The following RGS3 variants were observed in gnomAD, a reference collection of about 807,000 sequenced individuals.
The protein encoded by RGS3 is regulator of G protein signaling 3.
RGS3 carries 80 observed loss-of-function variants against 132.6 expected under a neutral mutation model. That is an observed-to-expected ratio of 0.60 (90% confidence interval 0.50 to 0.73). The LOEUF (loss-of-function observed/expected upper bound fraction) is 0.73, where lower values mean the gene tolerates loss of function less well. RGS3 is among the 30% of genes least tolerant of loss of function. RGS3 has a pLI of 0.00. For synonymous variants in RGS3, 598 were observed against 620.6 expected (o/e 0.96, Z 0.54); for missense variants, 1,382 against 1,530.8 (o/e 0.90, Z 1.62).
chr9:113,495,652 A>G (rs1328353683), intron 7 of RGS3, 134 bp from the exon 6 acceptor site: 1 of 744,968 alleles, frequency 1.3e-6, no homozygotes, highest in African/African-American at 1.7e-5. Flanking sequence ...AGTCAGAAGG[A>G]TCAAACGAGA....
chr9:113,492,674 G>A (rs1830557498), intron 7 of RGS3, among the ~76,000 whole-genome samples: 2 of 152,124 alleles, frequency 1.3e-5, no homozygotes, highest in African/African-American at 4.8e-5. Flanking sequence ...GAGGGTGAGC[G>A]CTAGTTCCCA....
At chr9:113,558,540 G>A (rs1731315359) in intron 19 of RGS3, among the ~76,000 whole-genome samples, 1 of 152,092 alleles carries the variant, frequency 6.6e-6, no homozygotes, top group South Asian at 2.1e-4. Context: ...GAAACAGATG[G>A]TGCCATTCTC....
At chr9:113,482,896 A>G (rs1384903067) in intron 4 of RGS3, 163 bp from the exon 3 acceptor site, 4 of 1,477,722 alleles carry the variant, frequency 2.7e-6, no homozygotes, top group Non-Finnish European at 3.6e-6. Flanking sequence ...ATGCAGATTA[A>G]GGGCCTAGTA....
chr9:113,596,461 A>T (rs1477651302), intron 24 of RGS3, among the ~76,000 whole-genome samples: 1 of 152,222 alleles, frequency 6.6e-6, no homozygotes, highest in South Asian at 2.1e-4. Flanking sequence ...AAGACAACTG[A>T]AGCTCACCGC....
chr9:113,560,578 A>G (rs757491682), intron 19 of RGS3, among the ~76,000 whole-genome samples: 4 of 152,196 alleles, frequency 2.6e-5, no homozygotes, highest in Non-Finnish European at 4.4e-5. Flanking sequence ...CTGTATCCTT[A>G]GTTCCTAGTA....
upstream of RGS3, among the ~76,000 whole-genome samples, chr9:113,457,827 T>C (rs141229004): frequency 6.6e-6 from 1 of 152,290 alleles, no homozygotes; most frequent in Admixed American, 6.5e-5. Flanking sequence ...CAGGTAGCTT[T>C]TGAGGCAATT....
At position 113,507,880 on chromosome 9, in the gene RGS3, A is replaced by G. The variant is rs1343959719; in HGVS notation, c.1437+242A>G. Among the ~76,000 whole-genome samples, 2 of 152,172 alleles carry G rather than the reference A, an allele frequency of 1.3e-5. No individual in the cohort carries two copies. The highest frequency in any genetic ancestry group is 2.9e-5 in the Non-Finnish European group (2 of 68,036). Reference sequence around the variant, plus strand: ...GGCATGCACAGGCTGGAAGATTTCAACTCACAGAAGGAAGAGCTTTCTACT... The same window carrying G: ...GGCATGCACAGGCTGGAAGATTTCAGCTCACAGAAGGAAGAGCTTTCTACT... On this transcript the variant is annotated intron_variant, in intron 13 of 24. Transcript: ENST00000350696. The surrounding 1 kb of genome is among the most constrained non-coding windows in gnomAD (Gnocchi z 5.0).
intron 3 of RGS3, among the ~76,000 whole-genome samples, chr9:113,470,080 T>G (rs1829782844): frequency 1.3e-5 from 2 of 152,130 alleles, no homozygotes; most frequent in South Asian, 4.1e-4. Flanking sequence ...CTGGCTAATT[T>G]TTGTATTTTT....
chr9:113,520,609 C>T (rs1831903585), intron 16 of RGS3, among the ~76,000 whole-genome samples: 1 of 151,166 alleles, frequency 6.6e-6, no homozygotes, highest in African/African-American at 2.4e-5. Flanking sequence ...AGCCCTTCCC[C>T]TGCCAGCCTC....
In RGS3 at chr9:113,591,409, A is replaced by T; in HGVS notation, c.3080+12A>T. On this transcript the variant is annotated intron_variant, in intron 21 of 24. Transcript: ENST00000350696. The surrounding 1 kb of genome is among the most constrained non-coding windows in gnomAD (Gnocchi z 4.4). The stretch of plus-strand genomic sequence containing the variant: ...AAGAGCAAAAACCTGTACGTTGGGA[A>T]GATCCCTGGCTTCTGCGCTCCTCTT... 6.2e-7 allele frequency: 1 copy of T among 1,612,268 alleles called. No homozygotes were observed. Among genetic ancestry groups the T allele is most frequent in the Non-Finnish European group, 8.5e-7 (1 of 1,178,806 alleles).
At chr9:113,510,436 G>A (rs1013832591) in intron 14 of RGS3, among the ~76,000 whole-genome samples, 11 of 152,234 alleles carry the variant, frequency 7.2e-5, no homozygotes, top group African/African-American at 2.7e-4. Context: ...CCAGGGCCTG[G>A]CGGATGGCAG....
intron 17 of RGS3, among the ~76,000 whole-genome samples, chr9:113,527,085 T>G (rs1351104780): frequency 2.0e-5 from 3 of 152,144 alleles, no homozygotes; most frequent in Non-Finnish European, 4.4e-5. Flanking sequence ...GGCTGTGACG[T>G]GGAACAGATT....
chr9:113,497,498 T>C, intron 9 of RGS3, 94 bp downstream of exon 7: 1 of 1,023,210 alleles, frequency 9.8e-7, no homozygotes, highest in South Asian at 1.5e-5. Flanking sequence ...TGGTGGCCCC[T>C]GCTACTGAGA....
chr9:113,563,444 T>G (rs1417988401), intron 19 of RGS3, among the ~76,000 whole-genome samples: 1 of 152,166 alleles, frequency 6.6e-6, no homozygotes, highest in African/African-American at 2.4e-5. Context: ...AATCCTATAT[T>G]CAGGCTCCCC....
chr9:113,527,847 A>G (rs1193846677), intron 17 of RGS3, among the ~76,000 whole-genome samples: 1 of 152,220 alleles, frequency 6.6e-6, no homozygotes, highest in Non-Finnish European at 1.5e-5. Flanking sequence ...AGTATGTGTT[A>G]AGGGTTCTAC....
Position 113,565,707 on chromosome 9 carries a change from T to A in RGS3, c.2038-17743T>A, listed in dbSNP as rs1340524429. ...GCAGGAGCGGCAGCCAGGAGTCGCC[T>A]GGGTCCCTGCTGGAGTATGCTGGGT... On this transcript the variant is annotated intron_variant, in intron 19 of 24. Coordinates refer to ENST00000350696, the Ensembl canonical transcript of RGS3. The surrounding 1 kb of genome is among the most constrained non-coding windows in gnomAD (Gnocchi z 5.7). The A allele has an allele frequency of 7.3e-6, 2 of 274,868 alleles. No homozygotes were observed. Among genetic ancestry groups the A allele is most frequent in the Non-Finnish European group, 1.5e-5 (2 of 137,592 alleles). 17.0% of individuals were successfully genotyped at this position (274,868 alleles called of 1,614,324 possible). A position where few individuals can be genotyped will look rare whatever the true frequency, so the allele number is the denominator to read the frequency against.
chr9:113,550,659 C>T (rs1833302845), intron 19 of RGS3, among the ~76,000 whole-genome samples: 1 of 152,090 alleles, frequency 6.6e-6, no homozygotes, highest in Non-Finnish European at 1.5e-5. Context: ...ATGTTTATTC[C>T]TCCTCATCAT....
intron 14 of RGS3, among the ~76,000 whole-genome samples, chr9:113,511,501 G>T (rs1748766196): frequency 6.6e-6 from 1 of 152,116 alleles, no homozygotes; most frequent in Admixed American, 6.5e-5. Context: ...TGCTGCATAG[G>T]TTGGGTTAAT....
Position 113,506,361 on chromosome 9 carries a change from C to CT in RGS3, c.980-26dup. 3 of 1,536,246 alleles carry CT rather than the reference C, an allele frequency of 2.0e-6. No homozygotes were observed. The highest frequency in any genetic ancestry group is 2.7e-6 in the Non-Finnish European group (3 of 1,128,202). On this transcript the variant is annotated intron_variant, in intron 11 of 24. Transcript: ENST00000350696. The surrounding 1 kb of genome is among the most constrained non-coding windows in gnomAD (Gnocchi z 4.7). Reference sequence around the variant, plus strand: ...AAGGGGTCTTAGGCTTCAGGGGCCCCTGAATGGCTTTTCTTTGTCCCTGCA... The same window carrying CT: ...AAGGGGTCTTAGGCTTCAGGGGCCCCTTGAATGGCTTTTCTTTGTCCCTGCA...
Sources: allele counts gnomAD v4.1 joint callset (sites outside exome capture counted in the v4.1 genomes callset), GRCh38; gene constraint gnomAD v4.1.1; non-coding constraint Gnocchi (gnomAD v3.1); transcripts MANE v1.5; gene names NCBI Gene and HGNC (gene_info 2026-07-23, HGNC 2026-07-21).